Variants in ST8SIA1 observed in about 807,000 individuals in gnomAD.
ST8SIA1 encodes the protein alpha-N-acetylneuraminide alpha-2,8-sialyltransferase.
A neutral mutation model predicts 35.9 loss-of-function variants in ST8SIA1; 16 were observed. The ratio of observed to expected loss-of-function variants is 0.45; its 90% CI spans 0.30 to 0.68. The LOEUF (loss-of-function observed/expected upper bound fraction) is 0.68. ST8SIA1 is among the 30% of genes least tolerant of loss of function. The pLI is 0.09. For missense variants in ST8SIA1, 383 were observed against 453.6 expected, an observed-to-expected ratio of 0.84 and a Z score of 1.41; for synonymous variants, 170 against 169.6, an observed-to-expected ratio of 1.00 and a Z score of -0.02.
intron 1 of ST8SIA1, among the ~76,000 whole-genome samples, chr12:22,323,020 A>C (rs1181000644): frequency 1.3e-5 from 2 of 152,246 alleles, no homozygotes; most frequent in African/African-American, 4.8e-5. Flanking sequence ...TAGAAGAAAG[A>C]AAGCTATTGC....
intron 1 of ST8SIA1, among the ~76,000 whole-genome samples, chr12:22,321,027 AAAG>A (rs1565596086): frequency 0.19 from 15,942 of 83,916 alleles, 1,697 homozygotes; most frequent in Middle Eastern, 0.36. Context: ...AGAAAGAAAG[AAAG>A]AAAGAGAAAG....
At chr12:22,329,075 C>G (rs1279203473) in intron 1 of ST8SIA1, among the ~76,000 whole-genome samples, 3 of 152,130 alleles carry the variant, frequency 2.0e-5, no homozygotes, top group African/African-American at 7.2e-5. Context: ...ATAGCCTGGC[C>G]TATTTTTAAT....
Position 22,213,640 on chromosome 12 carries a change from A to G in ST8SIA1, c.585-11602T>C, listed in dbSNP as rs114818346. ...GTACCTGGGGAAATGCAAACAATTT[A>G]ATATGGTAAAGTTGAGAGCCTTGGG... On this transcript the variant is annotated intron_variant, in intron 4 of 4. Coordinates refer to ENST00000396037, the MANE Select transcript of ST8SIA1 (RefSeq NM_003034.4). Among the ~76,000 whole-genome samples, 388 of 152,298 alleles carry G rather than the reference A, an allele frequency of 2.5e-3. 2 individuals are homozygous for G. Among genetic ancestry groups the G allele is most frequent in the African/African-American group, 8.9e-3 (369 of 41,568 alleles).
At chr12:22,249,854 GAATT>G (rs1176147636) in intron 3 of ST8SIA1, among the ~76,000 whole-genome samples, 11 of 152,138 alleles carry the variant, frequency 7.2e-5, no homozygotes, top group African/African-American at 2.7e-4. Flanking sequence ...AGACAAGGAG[GAATT>G]AATATATTTT....
intron 1 of ST8SIA1, among the ~76,000 whole-genome samples, chr12:22,307,038 T>C (rs1158939025): frequency 2.0e-5 from 3 of 152,202 alleles, no homozygotes; most frequent in Non-Finnish European, 4.4e-5. Context: ...GGAAGGATCA[T>C]AACTATATCA....
chr12:22,277,112 T>G (rs1399571219), intron 2 of ST8SIA1, among the ~76,000 whole-genome samples: 1 of 152,130 alleles, frequency 6.6e-6, no homozygotes, highest in African/African-American at 2.4e-5. Context: ...GTTCCCTTTC[T>G]TAGAGGGTAG....
At chr12:22,328,095 A>T (rs1866704826) in intron 1 of ST8SIA1, among the ~76,000 whole-genome samples, 1 of 152,182 alleles carries the variant, frequency 6.6e-6, no homozygotes, top group Non-Finnish European at 1.5e-5. Flanking sequence ...AATGTACCGG[A>T]CAGCACTCCA....
At chr12:22,305,706 T>G (rs554028420) in intron 1 of ST8SIA1, among the ~76,000 whole-genome samples, 185 of 152,290 alleles carry the variant, frequency 1.2e-3, no homozygotes, top group African/African-American at 4.3e-3. Flanking sequence ...TTTGCATTTA[T>G]TGACCAAGCA....
rs202242350 is a variant in ST8SIA1, at chr12:22,303,820, G to A, written c.237-16527C>T. Among the ~76,000 whole-genome samples, 28 of 139,260 alleles carry A rather than the reference G, an allele frequency of 2.0e-4. No individual in the cohort carries two copies. The East Asian group carries it at 4.7e-3, about 23-fold the overall frequency. 91.4% of individuals were successfully genotyped at this position (139,260 alleles called of 152,430 possible). A position where few individuals can be genotyped will look rare whatever the true frequency, so the allele number is the denominator to read the frequency against. On this transcript the variant is annotated intron_variant, in intron 1 of 4. Transcript: ENST00000396037. ...AAAGGCCTCTGAAGTGGCTAAATCC[G>A]CCCCGCCACCACCACCACCACCCTG...
chr12:22,221,472 C>G (rs1436254883), intron 4 of ST8SIA1, among the ~76,000 whole-genome samples: 1 of 152,096 alleles, frequency 6.6e-6, no homozygotes, highest in Non-Finnish European at 1.5e-5. Flanking sequence ...TGAATAAAGA[C>G]GAAGAGAGAA....
intron 1 of ST8SIA1, among the ~76,000 whole-genome samples, chr12:22,300,738 G>T (rs981298750): frequency 3.3e-5 from 5 of 152,216 alleles, no homozygotes; most frequent in East Asian, 3.9e-4. Flanking sequence ...ACAATGACTT[G>T]TGATCCAATT....
Position 22,193,407 on chromosome 12 carries a change from A to T in ST8SIA1, c.*8145T>A, listed in dbSNP as rs2120573663. The T allele has an allele frequency of 6.6e-6, 1 of 152,334 alleles. No homozygotes were observed. Among genetic ancestry groups the T allele is most frequent in the Admixed American group, 6.5e-5 (1 of 15,302 alleles). 9.4% of individuals were successfully genotyped at this position (152,334 alleles called of 1,614,324 possible). ...TTCACAAGCTATAAAAAATCATTTT[A>T]TTCACAGGGTACATTTACAAATTTT... On this transcript the variant is annotated 3_prime_UTR_variant, in exon 5 of 5. Transcript: ENST00000396037.
chr12:22,305,221 A>C (rs1447772854), intron 1 of ST8SIA1, among the ~76,000 whole-genome samples: 1 of 152,214 alleles, frequency 6.6e-6, no homozygotes, highest in Non-Finnish European at 1.5e-5. Flanking sequence ...TTAAAGAAAA[A>C]TAAAAGTGCT....
At chr12:22,253,259 C>G (rs765821998) in intron 3 of ST8SIA1, among the ~76,000 whole-genome samples, 2 of 152,200 alleles carry the variant, frequency 1.3e-5, no homozygotes, top group African/African-American at 2.4e-5. Context: ...TCTTTGCTGG[C>G]TCTTCAGCCT....
chr12:22,276,812 A>G (rs1865973984), intron 2 of ST8SIA1, among the ~76,000 whole-genome samples: 1 of 152,008 alleles, frequency 6.6e-6, no homozygotes, highest in Non-Finnish European at 1.5e-5. Flanking sequence ...GAGAGAGAGA[A>G]AAAGAGATGC....
intron 4 of ST8SIA1, among the ~76,000 whole-genome samples, chr12:22,225,647 G>A (rs530673906): frequency 5.9e-5 from 9 of 152,190 alleles, no homozygotes; most frequent in African/African-American, 2.2e-4. Flanking sequence ...ACACTTTTCC[G>A]CAGGACAGAC....
chr12:22,322,573 T>C (rs1383889727), intron 1 of ST8SIA1, among the ~76,000 whole-genome samples: 1 of 152,234 alleles, frequency 6.6e-6, no homozygotes, highest in East Asian at 1.9e-4. Flanking sequence ...TTAGTAAGGC[T>C]GTGACCAGGG....
intron 1 of ST8SIA1, among the ~76,000 whole-genome samples, chr12:22,310,362 T>C (rs1214062472): frequency 6.6e-6 from 1 of 152,160 alleles, no homozygotes; most frequent in Non-Finnish European, 1.5e-5. Context: ...AGGTCTCTAG[T>C]GGCTGCACAA....
Position 22,202,057 on chromosome 12 carries a change from A to G in ST8SIA1, c.585-19T>C. The G allele has an allele frequency of 6.5e-7, 1 of 1,546,364 alleles. No homozygotes were observed. Among genetic ancestry groups the G allele is most frequent in the Non-Finnish European group, 8.6e-7 (1 of 1,156,812 alleles). On this transcript the variant is annotated intron_variant, in intron 4 of 4. Coordinates refer to ENST00000396037, the MANE Select transcript of ST8SIA1 (RefSeq NM_003034.4). The stretch of plus-strand genomic sequence containing the variant: ...CTGAAACCTATTGAAGAAAAAAAAA[A>G]CTGTTCAATTAAACCTAGAGAAAAA...
Sources: gnomAD v4.1 joint callset for allele counts (sites outside exome capture counted in the v4.1 genomes callset) on GRCh38, gnomAD v4.1.1 for gene constraint, MANE v1.5 for transcripts, NCBI Gene and HGNC (gene_info 2026-07-23, HGNC 2026-07-21) for gene names.